The following STXBP5L variants were observed in gnomAD, a reference collection of about 807,000 sequenced individuals.
The protein encoded by STXBP5L is syntaxin binding protein 5L.
A neutral mutation model predicts 144.5 loss-of-function variants in STXBP5L; 65 were observed. The observed-to-expected ratio is 0.45, with a 90% CI of 0.37 to 0.55. The LOEUF is 0.55. Among genes scored for constraint, STXBP5L ranks in the 20% least tolerant of loss-of-function variants. The pLI, the probability that STXBP5L is intolerant of heterozygous loss-of-function variation, is 0.00. For synonymous variants in STXBP5L, 505 were observed against 469.6 expected (o/e 1.08, Z -0.97); for missense variants, 1,298 against 1,405.5 (o/e 0.92, Z 1.22).
intron 9 of STXBP5L, among the ~76,000 whole-genome samples, chr3:121,161,155 T>C (rs1044858836): frequency 6.6e-6 from 1 of 152,110 alleles, no homozygotes; most frequent in Non-Finnish European, 1.5e-5. Flanking sequence ...AAGAACATTA[T>C]TTAATTTTTC....
At position 121,050,320 on chromosome 3, in the gene STXBP5L, T is replaced by C. The variant is rs1283265230; in HGVS notation, c.470+4785T>C. On this transcript the variant is annotated intron_variant, in intron 5 of 26. Transcript: ENST00000471454. ...TAGATAGGACTTATTTCTTTAGTCCTAATTCTGGTTATTTTAGTTTAAAAT... is the reference window on the plus strand; with the variant it reads ...TAGATAGGACTTATTTCTTTAGTCCCAATTCTGGTTATTTTAGTTTAAAAT... 5.9e-5 allele frequency among the ~76,000 whole-genome samples: 9 copies of C among 152,208 alleles called. No individual in the cohort carries two copies. The East Asian group carries it at 1.7e-3, about 29-fold the overall frequency.
intron 5 of STXBP5L, among the ~76,000 whole-genome samples, chr3:121,109,526 A>G (rs947448978): frequency 5.9e-5 from 9 of 152,104 alleles, no homozygotes; most frequent in East Asian, 1.9e-4. Flanking sequence ...AGTTAGTTGT[A>G]TGGGTTTGAC....
chr3:120,940,848 C>T (rs974163124), intron 2 of STXBP5L, among the ~76,000 whole-genome samples: 2 of 151,270 alleles, frequency 1.3e-5, no homozygotes, highest in Non-Finnish European at 3.0e-5. Flanking sequence ...TTTTCAATGG[C>T]AAGAATTGGG....
intron 18 of STXBP5L, among the ~76,000 whole-genome samples, chr3:121,272,632 T>A (rs2050765016): frequency 6.6e-6 from 1 of 152,174 alleles, no homozygotes; most frequent in African/African-American, 2.4e-5. Flanking sequence ...GATTAGTAGG[T>A]ACAAATTTAC....
At chr3:120,992,366 C>G (rs991088699) in intron 3 of STXBP5L, among the ~76,000 whole-genome samples, 3 of 152,060 alleles carry the variant, frequency 2.0e-5, no homozygotes, top group Admixed American at 6.6e-5. Context: ...ATTATAATCA[C>G]CCTACTCTGC....
rs552211508 is a variant in STXBP5L, at chr3:121,082,461, A to G, written c.471-32464A>G. Among the ~76,000 whole-genome samples, 5 of 152,292 alleles carry G rather than the reference A, an allele frequency of 3.3e-5. 1 individual carries two copies. The South Asian group carries it at 1.0e-3, about 32-fold the overall frequency. On this transcript the variant is annotated intron_variant, in intron 5 of 26. Transcript: ENST00000471454. ...ACTTTGTGTCCTGCAACTTTGCTGAACTCACTAGTAAGTTTCAGGCAGAGG... is the reference window on the plus strand; with the variant it reads ...ACTTTGTGTCCTGCAACTTTGCTGAGCTCACTAGTAAGTTTCAGGCAGAGG...
chr3:120,938,556 G>T (rs1710388815), intron 2 of STXBP5L, among the ~76,000 whole-genome samples: 1 of 152,142 alleles, frequency 6.6e-6, no homozygotes, highest in African/African-American at 2.4e-5. Flanking sequence ...TTATTATCCT[G>T]TGGTTCCTTT....
intron 5 of STXBP5L, among the ~76,000 whole-genome samples, chr3:121,098,824 A>G (rs540023241): frequency 6.6e-6 from 1 of 152,270 alleles, no homozygotes; most frequent in African/African-American, 2.4e-5. Flanking sequence ...GTCTGTAGGG[A>G]GCATCCACTT....
At chr3:121,116,661 T>G (rs546641083) in intron 6 of STXBP5L, among the ~76,000 whole-genome samples, 1 of 152,210 alleles carries the variant, frequency 6.6e-6, no homozygotes, top group East Asian at 1.9e-4. Flanking sequence ...TGAGCTATTT[T>G]GCTCATTTTG....
chr3:121,356,205 A>T (rs1488673587), intron 20 of STXBP5L, among the ~76,000 whole-genome samples: 1 of 152,246 alleles, frequency 6.6e-6, no homozygotes, highest in Non-Finnish European at 1.5e-5. Context: ...CCGTGCTGGG[A>T]GAAACACTGC....
intron 19 of STXBP5L, among the ~76,000 whole-genome samples, chr3:121,303,771 C>G (rs1172223263): frequency 6.6e-6 from 1 of 152,014 alleles, no homozygotes; most frequent in African/African-American, 2.4e-5. Context: ...AGCAAACTAT[C>G]GCAAGGACAA....
At chr3:121,358,263 C>A (rs191535931) in intron 20 of STXBP5L, among the ~76,000 whole-genome samples, 1 of 132,260 alleles carries the variant, frequency 7.6e-6, no homozygotes, top group African/African-American at 3.0e-5. Flanking sequence ...CCTAACCCCC[C>A]ACTACCCTTC....
At chr3:121,411,595 T>C (rs1018585501) in intron 23 of STXBP5L, among the ~76,000 whole-genome samples, 7 of 152,142 alleles carry the variant, frequency 4.6e-5, no homozygotes, top group African/African-American at 1.4e-4. Flanking sequence ...AGGATAAGCA[T>C]ATAGCCATGG....
chr3:121,312,251 C>T (rs1174554453), intron 19 of STXBP5L, among the ~76,000 whole-genome samples: 1 of 151,780 alleles, frequency 6.6e-6, no homozygotes, highest in African/African-American at 2.4e-5. Flanking sequence ...TAAAAGAAAA[C>T]CTAGGCATTA....
At chr3:121,361,482 C>T (rs1014495524) in intron 20 of STXBP5L, among the ~76,000 whole-genome samples, 1 of 151,788 alleles carries the variant, frequency 6.6e-6, no homozygotes, top group African/African-American at 2.4e-5. Flanking sequence ...CTTTTTTATT[C>T]TCTTTTCTTT....
chr3:120,981,742 C>G (rs1268879392), intron 3 of STXBP5L, among the ~76,000 whole-genome samples: 1 of 152,132 alleles, frequency 6.6e-6, no homozygotes, highest in Admixed American at 6.5e-5. Context: ...TGGTACAACA[C>G]TTTGTTTTTT....
At chr3:120,981,694 A>T (rs2107880561) in intron 3 of STXBP5L, among the ~76,000 whole-genome samples, 1 of 152,356 alleles carries the variant, frequency 6.6e-6, no homozygotes, top group East Asian at 1.9e-4. Flanking sequence ...ATTTTGAATA[A>T]GATCCATTGC....
At chr3:121,324,228 C>G (rs1324818911) in intron 20 of STXBP5L, among the ~76,000 whole-genome samples, 1 of 152,074 alleles carries the variant, frequency 6.6e-6, no homozygotes, top group Non-Finnish European at 1.5e-5. Context: ...AGGATTGGGT[C>G]AGAGCTTGGT....
intron 3 of STXBP5L, among the ~76,000 whole-genome samples, chr3:120,967,120 A>T (rs1960320): frequency 0.099 from 15,095 of 152,066 alleles, 1,185 homozygotes; most frequent in Admixed American, 0.2. Context: ...ACGAGAGAGA[A>T]TCGCCTTGTC....
Sources: gnomAD v4.1 joint callset for allele counts (sites outside exome capture counted in the v4.1 genomes callset) on GRCh38, gnomAD v4.1.1 for gene constraint, MANE v1.5 for transcripts, NCBI Gene and HGNC (gene_info 2026-07-23, HGNC 2026-07-21) for gene names.